Variants in TACR3 observed in about 807,000 individuals in gnomAD.
TACR3 encodes neuromedin-K receptor.
Under a neutral mutation model 35.0 loss-of-function variants are expected in TACR3, and 34 were observed. The observed-to-expected ratio is 0.97, with a 90% CI of 0.74 to 1.30. The LOEUF (loss-of-function observed/expected upper bound fraction) is 1.30, where lower values mean the gene tolerates loss of function less well. Among genes scored for constraint, TACR3 ranks in the 50% most tolerant of loss-of-function variants. The probability of loss-of-function intolerance (pLI) is 0.00; values close to 1 mark genes in which losing one functional copy is unlikely to be tolerated. For missense variants in TACR3, 558 were observed against 591.7 expected, an observed-to-expected ratio of 0.94 and a Z score of 0.59; for synonymous variants, 233 against 221.1, an observed-to-expected ratio of 1.05 and a Z score of -0.48.
chr4:103,669,420 T>C (rs1726005213), intron 1 of TACR3, among the ~76,000 whole-genome samples: 1 of 152,150 alleles, frequency 6.6e-6, no homozygotes, highest in Non-Finnish European at 1.5e-5. Flanking sequence ...TTGAGGAACC[T>C]CCATACTGTT....
intron 1 of TACR3, among the ~76,000 whole-genome samples, chr4:103,659,830 T>C (rs1725802190): frequency 6.6e-6 from 1 of 152,162 alleles, no homozygotes; most frequent in Admixed American, 6.6e-5. Context: ...AATTTTGAAC[T>C]GGAGATAGCA....
intron 3 of TACR3, among the ~76,000 whole-genome samples, chr4:103,643,309 CTT>C (rs1725395572): frequency 6.6e-6 from 1 of 151,664 alleles, no homozygotes; most frequent in African/African-American, 2.4e-5. Context: ...CATTGAAAAA[CTT>C]TTTATTGGAC....
At chr4:103,673,067 C>A (rs373945800) in intron 1 of TACR3, among the ~76,000 whole-genome samples, 98 of 152,250 alleles carry the variant, frequency 6.4e-4, no homozygotes, top group African/African-American at 2.2e-3. Context: ...AGAGCTAGAT[C>A]CTTGACACGT....
At chr4:103,590,492 G>C (rs755250955) in intron 4 of TACR3, among the ~76,000 whole-genome samples, 3 of 151,934 alleles carry the variant, frequency 2.0e-5, no homozygotes, top group Non-Finnish European at 4.4e-5. Flanking sequence ...ATATGAAAGT[G>C]CAAAATCCTT....
chr4:103,704,105 C>CAAAA lies in TACR3; in HGVS notation c.548+15019_548+15022dup, dbSNP rs59034473. On this transcript the variant is annotated intron_variant, in intron 1 of 4. Coordinates refer to ENST00000304883, the MANE Select transcript of TACR3 (RefSeq NM_001059.3). The stretch of plus-strand genomic sequence containing the variant: ...GGCAACAGAGTGAAACTCTATCTCA[C>CAAAA]AAAAAAAAAAAAAAAAAAAAAAAAA... 7.0e-3 allele frequency among the ~76,000 whole-genome samples: 456 copies of CAAAA among 64,686 alleles called. 1 individual carries two copies. Among genetic ancestry groups the CAAAA allele is most frequent in the Non-Finnish European group, 9.3e-3 (335 of 36,176 alleles). 42.4% of individuals were successfully genotyped at this position (64,686 alleles called of 152,430 possible).
At chr4:103,611,240 C>A (rs1448956566) in intron 3 of TACR3, among the ~76,000 whole-genome samples, 1 of 152,074 alleles carries the variant, frequency 6.6e-6, no homozygotes, top group Non-Finnish European at 1.5e-5. Context: ...AATATTAATT[C>A]TTCCAGTCCA....
chr4:103,589,694 A>T lies in TACR3; in HGVS notation c.1386T>A (p.Asp462Glu), dbSNP rs376739484. Residue 462 changes from aspartate (D) to glutamate (E), a missense_variant, in exon 5 of 5, where the codon GAT (aspartate) becomes GAA (glutamate). By Grantham distance (45) the Asp-to-Glu change is conservative. Transcript: ENST00000304883. ...TCAGGAAATGGAATTAAGAATATTCATCCACAGAGGTATAGGGTGAGCTTA... is the reference window on the plus strand; with the variant it reads ...TCAGGAAATGGAATTAAGAATATTCTTCCACAGAGGTATAGGGTGAGCTTA... The part of the protein sequence containing the change: ...SFISSPYTSV[D>E]EYS 6.2e-7 allele frequency: 1 copy of T among 1,613,934 alleles called. No homozygotes were observed. Among genetic ancestry groups the T allele is most frequent in the Non-Finnish European group, 8.5e-7 (1 of 1,179,830 alleles).
chr4:103,644,365 C>A (rs1725417692), intron 3 of TACR3, among the ~76,000 whole-genome samples: 1 of 151,802 alleles, frequency 6.6e-6, no homozygotes, highest in African/African-American at 2.4e-5. Flanking sequence ...TGTTTTCTGA[C>A]TTTGTTTTGT....
intron 3 of TACR3, among the ~76,000 whole-genome samples, chr4:103,640,687 T>C (rs553294446): frequency 1.3e-5 from 2 of 152,106 alleles, no homozygotes; most frequent in South Asian, 4.1e-4. Context: ...AGGATGGCTT[T>C]GAATGTGGCC....
intron 3 of TACR3, among the ~76,000 whole-genome samples, chr4:103,611,236 A>G (rs999173587): frequency 2.6e-5 from 4 of 152,144 alleles, no homozygotes; most frequent in African/African-American, 9.7e-5. Context: ...TAGCAATATT[A>G]ATTCTTCCAG....
At chr4:103,681,835 A>G (rs1722097546) in intron 1 of TACR3, among the ~76,000 whole-genome samples, 1 of 152,174 alleles carries the variant, frequency 6.6e-6, no homozygotes, top group African/African-American at 2.4e-5. Context: ...ATAGGCATTT[A>G]CCAAGATGAC....
intron 1 of TACR3, among the ~76,000 whole-genome samples, chr4:103,712,674 A>G (rs1362705791): frequency 6.6e-6 from 1 of 152,210 alleles, no homozygotes. Flanking sequence ...AACTACCATC[A>G]GAGTGAACAG....
At chr4:103,681,595 C>T (rs537386419) in intron 1 of TACR3, among the ~76,000 whole-genome samples, 8 of 152,148 alleles carry the variant, frequency 5.3e-5, no homozygotes, top group South Asian at 2.1e-4. Context: ...CACATAATAA[C>T]GGTGCTTCAA....
chr4:103,707,141 A>G (rs370408050), intron 1 of TACR3, among the ~76,000 whole-genome samples: 101 of 152,336 alleles, frequency 6.6e-4, no homozygotes, highest in African/African-American at 2.3e-3. Context: ...AGTGTATTTG[A>G]GGATATTTTC....
intron 3 of TACR3, among the ~76,000 whole-genome samples, chr4:103,632,038 T>C (rs1352393622): frequency 6.6e-6 from 1 of 152,186 alleles, no homozygotes; most frequent in African/African-American, 2.4e-5. Context: ...TATTACATAA[T>C]GTTATTATTT....
At chr4:103,682,091 C>A (rs1722107875) in intron 1 of TACR3, among the ~76,000 whole-genome samples, 1 of 152,020 alleles carries the variant, frequency 6.6e-6, no homozygotes, top group Non-Finnish European at 1.5e-5. Flanking sequence ...TTATTATTCA[C>A]CCACTCTTAT....
At chr4:103,634,533 T>C (rs1466190123) in intron 3 of TACR3, among the ~76,000 whole-genome samples, 1 of 152,090 alleles carries the variant, frequency 6.6e-6, no homozygotes, top group Non-Finnish European at 1.5e-5. Context: ...ACAGAATGCA[T>C]TGATATGAAT....
chr4:103,645,397 T>C (rs1365231918), intron 3 of TACR3, among the ~76,000 whole-genome samples: 1 of 151,966 alleles, frequency 6.6e-6, no homozygotes, highest in African/African-American at 2.4e-5. Flanking sequence ...AATCTAAGAA[T>C]GGAAAAATGG....
chr4:103,688,032 A>G (rs1427633258), intron 1 of TACR3, among the ~76,000 whole-genome samples: 1 of 152,224 alleles, frequency 6.6e-6, no homozygotes, highest in South Asian at 2.1e-4. Flanking sequence ...ACAGCACGGT[A>G]CTGGTACCAA....
Sources: allele counts gnomAD v4.1 joint callset (sites outside exome capture counted in the v4.1 genomes callset), GRCh38; gene constraint gnomAD v4.1.1; transcripts MANE v1.5; gene names NCBI Gene and HGNC (gene_info 2026-07-23, HGNC 2026-07-21).